FSTL5: variants seen among roughly 807,000 people sequenced by gnomAD.
FSTL5 encodes follistatin like 5.
Under a neutral mutation model 89.1 loss-of-function variants are expected in FSTL5, and 62 were observed. The observed-to-expected ratio is 0.70, with a 90% confidence interval of 0.57 to 0.86. The LOEUF (loss-of-function observed/expected upper bound fraction) is 0.86. FSTL5 is among the 40% of genes least tolerant of loss of function. The pLI, the probability that FSTL5 is intolerant of heterozygous loss-of-function variation, is 0.00. For synonymous variants in FSTL5, 383 were observed against 346.2 expected, an observed-to-expected ratio of 1.11 and a Z score of -1.18; for missense variants, 1,057 against 1,001.6, an observed-to-expected ratio of 1.06 and a Z score of -0.75.
chr4:161,556,844 G>GTATA (rs962466232), intron 8 of FSTL5, among the ~76,000 whole-genome samples: 1 of 144,780 alleles, frequency 6.9e-6, no homozygotes, highest in Non-Finnish European at 1.6e-5. Flanking sequence ...GTGTGTGTGT[G>GTATA]TGTATATATA....
chr4:161,836,614 T>C (rs977340473), intron 4 of FSTL5, among the ~76,000 whole-genome samples: 1 of 151,314 alleles, frequency 6.6e-6, no homozygotes, highest in Admixed American at 6.6e-5. Flanking sequence ...GAGTTTGGAG[T>C]GTATTAGGGA....
chr4:161,871,994 TA>T lies in FSTL5; in HGVS notation c.409+48409del, dbSNP rs1732277237. Among the ~76,000 whole-genome samples, 6 of 56,908 alleles carry T rather than the reference TA, an allele frequency of 1.1e-4. No individual in the cohort carries two copies. The Admixed American group carries it at 1.7e-3, about 16-fold the overall frequency. 37.3% of individuals were successfully genotyped at this position (56,908 alleles called of 152,430 possible). On this transcript the variant is annotated intron_variant, in intron 4 of 15. Transcript: ENST00000306100. ...CAAAAACATAATAAAATAATTTTTT[TA>T]ATTTTTTTTTTTTTTAGACAGGGTC...
At chr4:161,983,262 C>T (rs1351136697) in intron 3 of FSTL5, among the ~76,000 whole-genome samples, 2 of 152,060 alleles carry the variant, frequency 1.3e-5, no homozygotes, top group African/African-American at 2.4e-5. Context: ...GTTTCCTTTC[C>T]GTCTTTTATG....
chr4:162,009,953 T>G (rs2111127613), intron 3 of FSTL5, among the ~76,000 whole-genome samples: 1 of 151,248 alleles, frequency 6.6e-6, no homozygotes. Context: ...GTTTATTTTT[T>G]GTTTGCTTTT....
At chr4:161,863,696 A>G (rs183504435) in intron 4 of FSTL5, among the ~76,000 whole-genome samples, 5 of 152,318 alleles carry the variant, frequency 3.3e-5, no homozygotes, top group African/African-American at 1.2e-4. Context: ...ATCTTGTTTG[A>G]AAATTTGCAA....
chr4:161,445,629 A>C (rs1732918793), intron 15 of FSTL5, among the ~76,000 whole-genome samples: 1 of 151,998 alleles, frequency 6.6e-6, no homozygotes, highest in Admixed American at 6.6e-5. Flanking sequence ...TATCTGTTAA[A>C]ATTGATCTGT....
At chr4:161,819,387 T>C (rs555173912) in intron 4 of FSTL5, among the ~76,000 whole-genome samples, 4 of 152,080 alleles carry the variant, frequency 2.6e-5, no homozygotes, top group Non-Finnish European at 5.9e-5. Context: ...TGTACAGTAA[T>C]AGTCAAAACA....
At chr4:161,888,778 C>A (rs1027502024) in intron 4 of FSTL5, among the ~76,000 whole-genome samples, 20 of 151,740 alleles carry the variant, frequency 1.3e-4, no homozygotes, top group South Asian at 2.1e-4. Context: ...AATAATAATA[C>A]CCAAAATATC....
intron 1 of FSTL5, among the ~76,000 whole-genome samples, chr4:162,116,106 G>A (rs1224035609): frequency 6.6e-6 from 1 of 152,134 alleles, no homozygotes; most frequent in Middle Eastern, 3.2e-3. Context: ...TTGTGAGTGG[G>A]CCATTTCAGG....
At position 161,881,247 on chromosome 4, in the gene FSTL5, T is replaced by C. The variant is rs1415275359; in HGVS notation, c.409+39157A>G. Among the ~76,000 whole-genome samples, 8 of 150,628 alleles carry C rather than the reference T, an allele frequency of 5.3e-5. No homozygotes were observed. In the East Asian group the frequency reaches 1.4e-3, roughly 26 times the overall value. On this transcript the variant is annotated intron_variant, in intron 4 of 15. Coordinates refer to ENST00000306100, the MANE Select transcript of FSTL5 (RefSeq NM_020116.5). ...TTAATAAATCTAGTTTATCATTTGATAATTGTATTTCAATTCAACATTTTG... is the reference window on the plus strand; with the variant it reads ...TTAATAAATCTAGTTTATCATTTGACAATTGTATTTCAATTCAACATTTTG...
chr4:162,100,579 T>C (rs1021332224), intron 2 of FSTL5, among the ~76,000 whole-genome samples: 5 of 152,200 alleles, frequency 3.3e-5, no homozygotes, highest in Non-Finnish European at 7.3e-5. Context: ...TCTGATACTA[T>C]AGTGGTGGAT....
intron 15 of FSTL5, among the ~76,000 whole-genome samples, chr4:161,418,282 G>C (rs1731854710): frequency 6.6e-6 from 1 of 151,996 alleles, no homozygotes; most frequent in African/African-American, 2.4e-5. Context: ...CCCTGAACTT[G>C]AATTAGTGCG....
chr4:161,703,925 A>G (rs1375717104), intron 6 of FSTL5, among the ~76,000 whole-genome samples: 1 of 152,140 alleles, frequency 6.6e-6, no homozygotes, highest in African/African-American at 2.4e-5. Flanking sequence ...TAGAAAATAA[A>G]CTTTGTTTTA....
chr4:161,735,369 T>C (rs1189254120), intron 6 of FSTL5, among the ~76,000 whole-genome samples: 1 of 152,144 alleles, frequency 6.6e-6, no homozygotes, highest in East Asian at 1.9e-4. Flanking sequence ...GGAGACTTCA[T>C]TATTGAGGCA....
rs112544882 is a variant in FSTL5 at position 162,048,406 on chromosome 4, C to CAT, written c.127-14750_127-14749dup. 2.3e-3 allele frequency among the ~76,000 whole-genome samples: 352 copies of CAT among 152,086 alleles called. 2 individuals carry two copies. The highest frequency in any genetic ancestry group is 7.7e-3 in the African/African-American group (319 of 41,482). On this transcript the variant is annotated intron_variant, in intron 2 of 15. Transcript: ENST00000306100. ...ATACAATCTGCTCTCAGGACTAAAA[C>CAT]ATGCAAGATTTAGAAAAAAGAAAAC...
chr4:161,863,188 A>G (rs554376510), intron 4 of FSTL5, among the ~76,000 whole-genome samples: 24 of 152,342 alleles, frequency 1.6e-4, no homozygotes, highest in African/African-American at 5.3e-4. Context: ...GTGTAGTGTT[A>G]GGAAATTTAT....
At chr4:161,946,092 C>A (rs1165852887) in intron 3 of FSTL5, among the ~76,000 whole-genome samples, 5 of 152,076 alleles carry the variant, frequency 3.3e-5, no homozygotes, top group Non-Finnish European at 7.4e-5. Context: ...TTTATTGACT[C>A]ACCACATATT....
At chr4:161,926,287 G>A (rs746997933) in intron 3 of FSTL5, among the ~76,000 whole-genome samples, 1 of 151,792 alleles carries the variant, frequency 6.6e-6, no homozygotes, top group Admixed American at 6.6e-5. Flanking sequence ...CCTTTTCAAC[G>A]GTCACATAAT....
intron 1 of FSTL5, among the ~76,000 whole-genome samples, chr4:162,135,546 A>G (rs1243566811): frequency 1.3e-5 from 2 of 152,014 alleles, no homozygotes; most frequent in African/African-American, 4.8e-5. Context: ...GGCTTATTCC[A>G]CCTCTGCTCC....
Sources: gnomAD v4.1 joint callset for allele counts (sites outside exome capture counted in the v4.1 genomes callset) on GRCh38, gnomAD v4.1.1 for gene constraint, MANE v1.5 for transcripts, NCBI Gene and HGNC (gene_info 2026-07-23, HGNC 2026-07-21) for gene names.